The following HOXB6 variants were observed in gnomAD, a reference collection of about 807,000 sequenced individuals.
HOXB6 encodes homeobox protein Hox-B6.
Under a neutral mutation model 24.2 loss-of-function variants are expected in HOXB6, and 18 were observed. That is an observed-to-expected ratio of 0.74 (90% CI 0.51 to 1.10). The LOEUF (loss-of-function observed/expected upper bound fraction) is 1.10. Among genes scored for constraint, HOXB6 ranks in the 50% least tolerant of loss-of-function variants. HOXB6 has a pLI of 0.00. For missense variants in HOXB6, 332 were observed against 308.3 expected (o/e 1.08, Z -0.58); for synonymous variants, 159 against 139.1 (o/e 1.14, Z -1.01).
rs753944537 is a variant in HOXB6, at chr17:48,597,900, T to G, written c.251A>C (p.Lys84Thr). Reference sequence around the variant, plus strand: ...GCCGGAGAGTGCGCAGGCCGACTCTTTCTCGCGGTAGAAGGCCGGCGCCGG... The same window carrying G: ...GCCGGAGAGTGCGCAGGCCGACTCTGTCTCGCGGTAGAAGGCCGGCGCCGG... ...YGPAPAFYRE[K>T]ESACALSGAD... Residue 84 changes from lysine (K) to threonine (T), a missense_variant, in exon 3 of 4, where the codon AAA becomes ACA. Lys to Thr is a moderately conservative substitution (Grantham distance 78, BLOSUM62 -1). Coordinates refer to ENST00000225648, the MANE Select transcript of HOXB6 (RefSeq NM_018952.5). The G allele has an allele frequency of 2.5e-6, 4 of 1,584,070 alleles. No individual in the cohort carries two copies. In the East Asian group the frequency reaches 7.0e-5, roughly 28 times the overall value.
intron 2 of HOXB6, among the ~76,000 whole-genome samples, chr17:48,603,135 T>C (rs1295072538): frequency 6.6e-6 from 1 of 152,244 alleles, no homozygotes; most frequent in African/African-American, 2.4e-5. Flanking sequence ...ATGTCCTGCA[T>C]CTGGTCTTAA....
chr17:48,598,088 G>A lies in HOXB6; in HGVS notation c.63C>T (p.Phe21=), dbSNP rs145027311. Residue 21 remains phenylalanine, a synonymous_variant, in exon 3 of 4, where the codon TTC becomes TTT. Coordinates refer to ENST00000225648, the MANE Select transcript of HOXB6 (RefSeq NM_018952.5). ...PVTLASGQES[F]LGQLPLYSSG... is the part of the protein sequence containing the mutation. ...ACGAATAGAGCGGTAGCTGGCCCAG[G>A]AAGGACTCCTGCCCGCTGGCCAGAG... is the stretch of plus-strand genomic sequence containing the variant. 1 of 1,604,808 alleles carries A rather than the reference G, an allele frequency of 6.2e-7. No individual in the cohort carries two copies. Among genetic ancestry groups the A allele is most frequent in the South Asian group, 1.1e-5 (1 of 89,944 alleles).
intron 2 of HOXB6, among the ~76,000 whole-genome samples, chr17:48,603,426 A>C (rs1434615152): frequency 6.6e-6 from 1 of 152,246 alleles, no homozygotes; most frequent in Non-Finnish European, 1.5e-5. Flanking sequence ...GTCTGAGCTC[A>C]GTGCCAGTTA....
chr17:48,598,485 G>A (rs189405891), intron 2 of HOXB6, among the ~76,000 whole-genome samples: 2 of 151,686 alleles, frequency 1.3e-5, no homozygotes, highest in Admixed American at 1.3e-4. Flanking sequence ...TTCCACCTAC[G>A]TAGGATCTGT....
rs763879868 is a variant in HOXB6 at position 48,597,697 on chromosome 17, A to T, written c.415+39T>A. 3 of 1,596,972 alleles carry T rather than the reference A, an allele frequency of 1.9e-6. No homozygotes were observed. The Admixed American group carries it at 5.1e-5, about 27-fold the overall frequency. On this transcript the variant is annotated intron_variant, in intron 3 of 3. Coordinates refer to ENST00000225648, the MANE Select transcript of HOXB6 (RefSeq NM_018952.5). ...GTTCTGTGTCCCGGGGTGGGCGCCC[A>T]GGGGAGCCGGGGCGACGGCGACGGG...
chr17:48,596,918 G>A lies in HOXB6; in HGVS notation c.416-246C>T, dbSNP rs994016514. On this transcript the variant is annotated intron_variant, in intron 3 of 3. Coordinates refer to ENST00000225648, the MANE Select transcript of HOXB6 (RefSeq NM_018952.5). This position sits in a 1 kb window ranked among gnomAD's most constrained non-coding sequence, Gnocchi z 4.8. ...CAGTTTGAACTCCCACCTGAGCCTG[G>A]GGGGAGGGGCTGGTCAGGTGTGTCT... 63 of 1,382,678 alleles carry A rather than the reference G, an allele frequency of 4.6e-5. No individual in the cohort carries two copies. The highest frequency in any genetic ancestry group is 2.9e-5 in the Admixed American group (1 of 34,044). 85.7% of individuals were successfully genotyped at this position (1,382,678 alleles called of 1,614,324 possible). A position where few individuals can be genotyped will look rare whatever the true frequency, so the allele number is the denominator to read the frequency against.
At chr17:48,601,013 TGTGTGTG>T (rs1432247927) in intron 2 of HOXB6, among the ~76,000 whole-genome samples, 38 of 148,244 alleles carry the variant, frequency 2.6e-4, no homozygotes, top group African/African-American at 9.9e-4. Context: ...TGTGTGTGTG[TGTGTGTG>T]GTGTGGTGTG....
chr17:48,601,018 G>GTA (rs1364765845), intron 2 of HOXB6, among the ~76,000 whole-genome samples: 2 of 139,056 alleles, frequency 1.4e-5, no homozygotes, highest in Non-Finnish European at 3.3e-5. Flanking sequence ...GTGTGTGTGT[G>GTA]TGGTGTGGTG....
At chr17:48,599,253 G>C (rs2070344423) in intron 2 of HOXB6, among the ~76,000 whole-genome samples, 1 of 152,180 alleles carries the variant, frequency 6.6e-6, no homozygotes. Flanking sequence ...CTGGGCTATA[G>C]GATTTTCAGG....
rs1357151837 is a variant in HOXB6, at chr17:48,596,066, G to A, written c.*347C>T. 6.0e-6 allele frequency: 3 copies of A among 499,142 alleles called. No homozygotes were observed. In the East Asian group the frequency reaches 1.7e-4, roughly 28 times the overall value. 30.9% of individuals were successfully genotyped at this position (499,142 alleles called of 1,614,324 possible). A position where few individuals can be genotyped will look rare whatever the true frequency, so the allele number is the denominator to read the frequency against. On this transcript the variant is annotated 3_prime_UTR_variant, in exon 4 of 4. Coordinates refer to ENST00000225648, the MANE Select transcript of HOXB6 (RefSeq NM_018952.5). The surrounding 1 kb of genome is among the most constrained non-coding windows in gnomAD (Gnocchi z 4.8). ...CATTGAACCGTGCACGGGGGACATGGACAAAATGAGACGCGACAGGGACAA... is the reference window on the plus strand; with the variant it reads ...CATTGAACCGTGCACGGGGGACATGAACAAAATGAGACGCGACAGGGACAA...
chr17:48,603,229 C>T (rs2070511041), intron 2 of HOXB6, among the ~76,000 whole-genome samples: 1 of 152,214 alleles, frequency 6.6e-6, no homozygotes, highest in African/African-American at 2.4e-5. Flanking sequence ...CATCACTTAT[C>T]TCTTGGCTGG....
In HOXB6 at chr17:48,597,768, T is replaced by C. The variant is rs2070345581; in HGVS notation, c.383A>G (p.Tyr128Cys). 26 of 1,612,956 alleles carry C rather than the reference T, an allele frequency of 1.6e-5. No homozygotes were observed. Among genetic ancestry groups the C allele is most frequent in the Non-Finnish European group, 2.0e-5 (24 of 1,179,540 alleles). ...CGAATTCATCCGCTGCATCCACGGGTAGACCGGAGTGGAGCACTTCTGCTC... is the reference window on the plus strand; with the variant it reads ...CGAATTCATCCGCTGCATCCACGGGCAGACCGGAGTGGAGCACTTCTGCTC... Reference protein sequence around the residue: ...TEEQKCSTPVYPWMQRMNSCN... With the variant: ...TEEQKCSTPVCPWMQRMNSCN... The change falls in exon 3 of 4, where the codon TAC becomes TGC. Residue 128 changes from tyrosine to cysteine, a missense_variant. By Grantham distance (194) the Tyr-to-Cys change is radical. Transcript: ENST00000225648.
intron 2 of HOXB6, among the ~76,000 whole-genome samples, chr17:48,603,422 G>A (rs2070515054): frequency 6.6e-6 from 1 of 152,218 alleles, no homozygotes; most frequent in African/African-American, 2.4e-5. Flanking sequence ...GACTGTCTGA[G>A]CTCAGTGCCA....
At chr17:48,602,211 C>A (rs539125573) in intron 2 of HOXB6, 11 of 456,038 alleles carry the variant, frequency 2.4e-5, no homozygotes, top group Non-Finnish European at 4.4e-5. Context: ...ACCCACTAAC[C>A]AACCAGGAGA....
chr17:48,601,267 T>C (rs529016059), intron 2 of HOXB6, among the ~76,000 whole-genome samples: 1 of 152,228 alleles, frequency 6.6e-6, no homozygotes, highest in South Asian at 2.1e-4. Flanking sequence ...TCCCATAGGT[T>C]GAGGGAGGCT....
chr17:48,597,405 G>A (rs756543128), intron 3 of HOXB6, among the ~76,000 whole-genome samples: 2 of 152,134 alleles, frequency 1.3e-5, no homozygotes, highest in Admixed American at 1.3e-4. Flanking sequence ...GGAGAGGGGG[G>A]TTGGGGGCTC....
intron 2 of HOXB6, among the ~76,000 whole-genome samples, chr17:48,598,648 C>A (rs1006364521): frequency 6.6e-6 from 1 of 152,162 alleles, no homozygotes; most frequent in Non-Finnish European, 1.5e-5. Context: ...TGCGTTGCTT[C>A]GACCCCTTCT....
chr17:48,597,907 G>A lies in HOXB6; in HGVS notation c.244C>T (p.Arg82Cys). 1.3e-6 allele frequency: 2 copies of A among 1,581,326 alleles called. No individual in the cohort carries two copies. The highest frequency in any genetic ancestry group is 1.7e-6 in the Non-Finnish European group (2 of 1,163,308). Reference protein sequence around the residue: ...CDYGPAPAFYREKESACALSG... With the variant: ...CDYGPAPAFYCEKESACALSG... ...AGTGCGCAGGCCGACTCTTTCTCGC[G>A]GTAGAAGGCCGGCGCCGGCCCGTAG... The change falls in exon 3 of 4, where the codon CGC (arginine) becomes TGC (cysteine). Residue 82 changes from arginine to cysteine, a missense_variant. Transcript: ENST00000225648.
chr17:48,597,622 AGAT>A, intron 3 of HOXB6, 111 bp downstream of exon 3: 1 of 1,143,010 alleles, frequency 8.7e-7, no homozygotes, highest in Non-Finnish European at 1.3e-6. Context: ...CTCCTAACTG[AGAT>A]GCCCACCCAG....
Sources: allele counts gnomAD v4.1 joint callset (sites outside exome capture counted in the v4.1 genomes callset), GRCh38; gene constraint gnomAD v4.1.1; non-coding constraint Gnocchi (gnomAD v3.1); transcripts MANE v1.5; gene names NCBI Gene and HGNC (gene_info 2026-07-23, HGNC 2026-07-21).